Variants in FAM13A observed in about 807,000 individuals in gnomAD.
FAM13A encodes protein FAM13A.
FAM13A carries 76 observed loss-of-function variants against 129.6 expected under a neutral mutation model. That is an observed-to-expected ratio of 0.59 (90% CI 0.49 to 0.71). FAM13A has a LOEUF of 0.71. Ranked by LOEUF, FAM13A falls within the 30% of genes least tolerant of loss-of-function variation. The pLI, the probability that FAM13A is intolerant of heterozygous loss-of-function variation, is 0.00. For missense variants in FAM13A, 1,108 were observed against 1,249.3 expected (o/e 0.89, Z 1.70); for synonymous variants, 443 against 449.9 (o/e 0.98, Z 0.20).
intron 3 of FAM13A, among the ~76,000 whole-genome samples, chr4:89,007,390 A>G (rs1765192473): frequency 6.6e-6 from 1 of 152,198 alleles, no homozygotes. Context: ...CCACAGAAAA[A>G]GGAATTAAGG....
At chr4:88,796,003 C>T (rs532157009) in intron 8 of FAM13A, among the ~76,000 whole-genome samples, 3 of 151,708 alleles carry the variant, frequency 2.0e-5, no homozygotes, top group East Asian at 3.9e-4. Flanking sequence ...AACCAGCTCC[C>T]GAATTCAAGT....
chr4:88,784,013 G>C (rs1391530157), intron 10 of FAM13A, among the ~76,000 whole-genome samples: 1 of 152,082 alleles, frequency 6.6e-6, no homozygotes, highest in Non-Finnish European at 1.5e-5. Context: ...AAAGACGACA[G>C]CTAAAAACGA....
chr4:88,984,888 C>T (rs1055618197), intron 4 of FAM13A, among the ~76,000 whole-genome samples: 38 of 152,082 alleles, frequency 2.5e-4, no homozygotes, highest in African/African-American at 9.2e-4. Flanking sequence ...TTGGTAGTTC[C>T]TCAAAATTTT....
intron 5 of FAM13A, among the ~76,000 whole-genome samples, chr4:88,913,996 C>T (rs1172793006): frequency 6.9e-6 from 1 of 145,200 alleles, no homozygotes; most frequent in Non-Finnish European, 1.5e-5. Flanking sequence ...GGGTGAGACT[C>T]CGTCTCAAAA....
rs573701430 is a variant in FAM13A at position 88,923,504 on chromosome 4, C to A, written c.759+14584G>T. Among the ~76,000 whole-genome samples, 53 of 152,206 alleles carry A rather than the reference C, an allele frequency of 3.5e-4. No homozygotes were observed. In the East Asian group the frequency reaches 9.9e-3, roughly 28 times the overall value. On this transcript the variant is annotated intron_variant, in intron 5 of 23. Transcript: ENST00000264344. ...AAGGCCTTTGACAAAATTCAACAACCCTTCATGCTAAAAACTCTCAATAAG... is the reference window on the plus strand; with the variant it reads ...AAGGCCTTTGACAAAATTCAACAACACTTCATGCTAAAAACTCTCAATAAG...
chr4:89,030,160 T>G (rs550489154), intron 1 of FAM13A, among the ~76,000 whole-genome samples: 5 of 152,262 alleles, frequency 3.3e-5, no homozygotes, highest in South Asian at 2.1e-4. Context: ...TCTGTAAATA[T>G]CTCAGTAATC....
chr4:88,910,151 G>A (rs1020774289), intron 5 of FAM13A, among the ~76,000 whole-genome samples: 1 of 152,108 alleles, frequency 6.6e-6, no homozygotes, highest in Non-Finnish European at 1.5e-5. Flanking sequence ...ACTGGAGAAC[G>A]AAGTGTCAAA....
intron 9 of FAM13A, among the ~76,000 whole-genome samples, chr4:88,788,937 G>T (rs188116866): frequency 1.3e-5 from 2 of 152,144 alleles, no homozygotes; most frequent in East Asian, 3.9e-4. Context: ...AAGATAATGA[G>T]GAAGTATAGT....
intron 11 of FAM13A, among the ~76,000 whole-genome samples, chr4:88,769,829 CA>C (rs541288736): frequency 5.3e-5 from 7 of 131,352 alleles, no homozygotes; most frequent in East Asian, 2.2e-4. Flanking sequence ...GACTCTGTCT[CA>C]AAAAAAAAAC....
At chr4:88,857,158 C>T (rs1310318816) in intron 6 of FAM13A, among the ~76,000 whole-genome samples, 2 of 152,076 alleles carry the variant, frequency 1.3e-5, no homozygotes, top group Non-Finnish European at 2.9e-5. Flanking sequence ...GTTTCTTACA[C>T]ATGCTTATCT....
At position 89,054,366 on chromosome 4, in the gene FAM13A, AT is replaced by A. The variant is rs567636824; in HGVS notation, c.27+2571del. 3.6e-4 allele frequency among the ~76,000 whole-genome samples: 55 copies of A among 152,202 alleles called. No individual in the cohort carries two copies. The Middle Eastern group carries it at 0.01, about 28-fold the overall frequency. The stretch of plus-strand genomic sequence containing the variant: ...ACTCATTATACTGTCTGAAGTATTA[AT>A]GTCTTCAGCAGCAGGATATTTCAGT... On this transcript the variant is annotated intron_variant, in intron 1 of 23. Transcript: ENST00000264344.
intron 2 of FAM13A, among the ~76,000 whole-genome samples, chr4:89,025,717 A>C (rs573657199): frequency 1.3e-5 from 2 of 152,368 alleles, no homozygotes; most frequent in Non-Finnish European, 2.9e-5. Context: ...TGCAATATGG[A>C]ACAATCTCCA....
chr4:88,790,773 G>C (rs1229103267), intron 8 of FAM13A, 146 bp from the exon 9 acceptor site: 10 of 678,848 alleles, frequency 1.5e-5, no homozygotes, highest in Non-Finnish European at 2.0e-5. Flanking sequence ...AATGAAAGAT[G>C]CTCATTTTCA....
At chr4:89,050,318 T>A (rs972752107) in intron 1 of FAM13A, among the ~76,000 whole-genome samples, 1 of 152,038 alleles carries the variant, frequency 6.6e-6, no homozygotes, top group South Asian at 2.1e-4. Flanking sequence ...TCCGCATGCA[T>A]CAGCTTCCTG....
chr4:88,882,916 GA>G (rs1743825191), intron 6 of FAM13A, among the ~76,000 whole-genome samples: 1 of 152,052 alleles, frequency 6.6e-6, no homozygotes, highest in Non-Finnish European at 1.5e-5. Context: ...AAAAAAGACA[GA>G]GGGACATTAT....
intron 15 of FAM13A, 66 bp from the exon 16 acceptor site, chr4:88,749,975 G>A: frequency 6.4e-7 from 1 of 1,564,232 alleles, no homozygotes; most frequent in Non-Finnish European, 8.7e-7. Flanking sequence ...AGGGGCCCTG[G>A]GGAAGTGGGA....
At chr4:88,863,062 T>G (rs1739769036) in intron 6 of FAM13A, among the ~76,000 whole-genome samples, 1 of 152,082 alleles carries the variant, frequency 6.6e-6, no homozygotes. Context: ...TCTAAAACCC[T>G]TGGACTGTCC....
chr4:88,823,167 C>CG, intron 7 of FAM13A: 1 of 1,480,266 alleles, frequency 6.8e-7, no homozygotes, highest in South Asian at 1.4e-5. Flanking sequence ...GGCCAGTCTA[C>CG]TGCTGCTCTC....
At chr4:88,869,101 C>T (rs1032454061) in intron 6 of FAM13A, among the ~76,000 whole-genome samples, 4 of 152,178 alleles carry the variant, frequency 2.6e-5, no homozygotes, top group Non-Finnish European at 5.9e-5. Context: ...TACCAGGAAC[C>T]TGAGAGTCAT....
Sources: gnomAD v4.1 joint callset for allele counts (sites outside exome capture counted in the v4.1 genomes callset) on GRCh38, gnomAD v4.1.1 for gene constraint, MANE v1.5 for transcripts, NCBI Gene and HGNC (gene_info 2026-07-23, HGNC 2026-07-21) for gene names.